Variants in STK10 observed in about 807,000 individuals in gnomAD.
STK10 encodes serine/threonine-protein kinase 10.
A neutral mutation model predicts 113.8 loss-of-function variants in STK10; 78 were observed. The observed-to-expected ratio is 0.69, with a 90% CI of 0.57 to 0.83. The LOEUF (loss-of-function observed/expected upper bound fraction) is 0.83. Ranked by LOEUF, STK10 falls within the 40% of genes least tolerant of loss-of-function variation. STK10 has a pLI of 0.00. For synonymous variants in STK10, 465 were observed against 494.7 expected (o/e 0.94, Z 0.80); for missense variants, 1,109 against 1,280.1 (o/e 0.87, Z 2.04).
chr5:172,163,030 G>A (rs1312179459), intron 1 of STK10, among the ~76,000 whole-genome samples: 6 of 152,124 alleles, frequency 3.9e-5, no homozygotes, highest in Admixed American at 3.3e-4. Context: ...TAGGAACCAC[G>A]GACCAAAAAG....
At chr5:172,061,503 G>A in intron 13 of STK10, 1 of 436,852 alleles carries the variant, frequency 2.3e-6, no homozygotes, top group Non-Finnish European at 4.0e-6. Context: ...CAGAGCTGGA[G>A]TGCAGTGGCA....
At chr5:172,150,416 G>A (rs1770196895) in intron 2 of STK10, among the ~76,000 whole-genome samples, 1 of 151,610 alleles carries the variant, frequency 6.6e-6, no homozygotes, top group South Asian at 2.1e-4. Context: ...GGGAGGCAGA[G>A]GTTGCAGTGA....
At chr5:172,178,558 A>C (rs2172048) in intron 1 of STK10, among the ~76,000 whole-genome samples, 1 of 151,980 alleles carries the variant, frequency 6.6e-6, no homozygotes, top group Admixed American at 6.6e-5. Flanking sequence ...TACCCGCTGT[A>C]TGAGCTACTC....
chr5:172,120,197 T>TCGG lies in STK10; in HGVS notation c.371-2570_371-2568dup, dbSNP rs905736492. On this transcript the variant is annotated intron_variant, in intron 3 of 18. Coordinates refer to ENST00000176763, the MANE Select transcript of STK10 (RefSeq NM_005990.4). This position sits in a 1 kb window ranked among gnomAD's most constrained non-coding sequence, Gnocchi z 4.0. ...CTTGGCCTGCCAGGTTCCCAGGCTGTCGGCTTCTAAGCCTGGTCACCAAAG... is the reference window on the plus strand; with the variant it reads ...CTTGGCCTGCCAGGTTCCCAGGCTGTCGGCGGCTTCTAAGCCTGGTCACCAAAG... 2.0e-5 allele frequency among the ~76,000 whole-genome samples: 3 copies of TCGG among 152,168 alleles called. No individual in the cohort carries two copies. Among genetic ancestry groups the TCGG allele is most frequent in the Non-Finnish European group, 4.4e-5 (3 of 68,014 alleles).
intron 3 of STK10, 62 bp from the exon 4 acceptor site, chr5:172,117,692 C>A: frequency 6.3e-7 from 1 of 1,597,672 alleles, no homozygotes; most frequent in South Asian, 1.1e-5. Context: ...ACTGAAATGT[C>A]AGGCCCACGC....
chr5:172,108,029 A>ACACTTAACCCACTAGGC, intron 4 of STK10, 177 bp from the exon 5 acceptor site: 1 of 582,346 alleles, frequency 1.7e-6, no homozygotes, highest in Non-Finnish European at 3.0e-6. Flanking sequence ...ACCGAGATGA[A>ACACTTAACCCACTAGGC]CACTTTCCTC....
chr5:172,100,701 C>T (rs979000239), intron 7 of STK10, among the ~76,000 whole-genome samples: 5 of 152,076 alleles, frequency 3.3e-5, no homozygotes, highest in African/African-American at 7.2e-5. Flanking sequence ...GCAAGAGAAT[C>T]GCTTGAACCC....
intron 12 of STK10, among the ~76,000 whole-genome samples, chr5:172,074,824 G>A (rs191842310): frequency 8.5e-5 from 13 of 152,248 alleles, no homozygotes; most frequent in African/African-American, 3.1e-4. Context: ...TTTAAGGCCA[G>A]CCTGGCCAAC....
At chr5:172,105,312 C>A (rs1769074077) in intron 7 of STK10, among the ~76,000 whole-genome samples, 1 of 152,104 alleles carries the variant, frequency 6.6e-6, no homozygotes, top group Non-Finnish European at 1.5e-5. Flanking sequence ...CCTTATCCTC[C>A]CTTACAAGAC....
intron 18 of STK10, among the ~76,000 whole-genome samples, chr5:172,052,252 G>T (rs1581130463): frequency 1.3e-5 from 2 of 152,316 alleles, no homozygotes; most frequent in South Asian, 2.1e-4. Flanking sequence ...AGTGCCGGTG[G>T]CTTCTAGAAA....
At chr5:172,059,544 G>T (rs138309444) in intron 14 of STK10, among the ~76,000 whole-genome samples, 2 of 151,532 alleles carry the variant, frequency 1.3e-5, no homozygotes, top group East Asian at 3.9e-4. Context: ...CAGCCATAGA[G>T]ATGGAAGACC....
rs2113780896 is a variant in STK10 at position 172,120,018 on chromosome 5, A to G, written c.371-2388T>C. ...AGGAGGAAAGCTGCTCAATGGACAG[A>G]TTAGGGAGGTGGAGCTGGCGGAATG... is the stretch of plus-strand genomic sequence containing the variant. On this transcript the variant is annotated intron_variant, in intron 3 of 18. Coordinates refer to ENST00000176763, the MANE Select transcript of STK10 (RefSeq NM_005990.4). The surrounding 1 kb of genome is among the most constrained non-coding windows in gnomAD (Gnocchi z 4.0). Among the ~76,000 whole-genome samples, 1 of 152,174 alleles carries G rather than the reference A, an allele frequency of 6.6e-6. No homozygotes were observed. Among genetic ancestry groups the G allele is most frequent in the South Asian group, 2.1e-4 (1 of 4,812 alleles).
At chr5:172,058,521 C>T (rs1376642957) in intron 14 of STK10, among the ~76,000 whole-genome samples, 1 of 152,188 alleles carries the variant, frequency 6.6e-6, no homozygotes, top group African/African-American at 2.4e-5. Context: ...TTTACTTCCT[C>T]ACAGCAGGCT....
At chr5:172,072,666 C>T (rs569085800) in intron 12 of STK10, among the ~76,000 whole-genome samples, 3 of 152,304 alleles carry the variant, frequency 2.0e-5, no homozygotes, top group Admixed American at 2.0e-4. Flanking sequence ...TAGCATCATA[C>T]TTAATGATGA....
intron 1 of STK10, among the ~76,000 whole-genome samples, chr5:172,161,718 G>C (rs1403591271): frequency 6.6e-6 from 1 of 152,124 alleles, no homozygotes; most frequent in Non-Finnish European, 1.5e-5. Flanking sequence ...TTATCTCCTG[G>C]ATCACCCTAC....
intron 18 of STK10, among the ~76,000 whole-genome samples, chr5:172,048,052 G>A (rs1320068061): frequency 2.0e-5 from 3 of 152,002 alleles, no homozygotes; most frequent in Non-Finnish European, 4.4e-5. Context: ...ACAGGCATGC[G>A]CCACTGTGCC....
chr5:172,174,775 C>T (rs1003419251), intron 1 of STK10, among the ~76,000 whole-genome samples: 2 of 152,084 alleles, frequency 1.3e-5, no homozygotes, highest in Admixed American at 1.3e-4. Flanking sequence ...GACTGGCAGG[C>T]AGGGGACCCG....
At chr5:172,079,123 G>C (rs775759957) in intron 12 of STK10, among the ~76,000 whole-genome samples, 4 of 152,168 alleles carry the variant, frequency 2.6e-5, no homozygotes, top group Non-Finnish European at 5.9e-5. Context: ...ATGTTAACAG[G>C]ATTATTAAAA....
intron 12 of STK10, among the ~76,000 whole-genome samples, chr5:172,067,903 T>C (rs907518530): frequency 2.6e-5 from 4 of 152,054 alleles, no homozygotes; most frequent in Non-Finnish European, 4.4e-5. Context: ...ATAATAAAAC[T>C]TGAAAACCAA....
Sources: gnomAD v4.1 joint callset for allele counts (sites outside exome capture counted in the v4.1 genomes callset) on GRCh38, gnomAD v4.1.1 for gene constraint, Gnocchi (gnomAD v3.1) non-coding constraint, MANE v1.5 for transcripts, NCBI Gene and HGNC (gene_info 2026-07-23, HGNC 2026-07-21) for gene names.